Variants in LRRC4C observed in about 807,000 individuals in gnomAD.
The protein encoded by LRRC4C is leucine rich repeat containing 4C.
Under a neutral mutation model 33.6 loss-of-function variants are expected in LRRC4C, and 5 were observed. The observed-to-expected ratio is 0.15, with a 90% confidence interval of 0.08 to 0.31. The LOEUF (loss-of-function observed/expected upper bound fraction) is 0.31. Ranked by LOEUF, LRRC4C falls within the 10% of genes least tolerant of loss-of-function variation. LRRC4C has a pLI of 1.00. For missense variants in LRRC4C, 560 were observed against 796.7 expected (o/e 0.70, Z 3.58); for synonymous variants, 329 against 302.0 (o/e 1.09, Z -0.93).
intron 1 of LRRC4C, among the ~76,000 whole-genome samples, chr11:41,321,659 C>T (rs1186034491): frequency 6.6e-6 from 1 of 152,036 alleles, no homozygotes; most frequent in Non-Finnish European, 1.5e-5. Context: ...GGGTAGATAC[C>T]ACTATTATCA....
intron 3 of LRRC4C, among the ~76,000 whole-genome samples, chr11:40,371,881 A>G (rs915290777): frequency 6.6e-6 from 1 of 152,220 alleles, no homozygotes; most frequent in Non-Finnish European, 1.5e-5. Context: ...TATGCCTGAC[A>G]GGTTCATAGA....
At chr11:40,745,272 G>C (rs1344907862) in intron 2 of LRRC4C, among the ~76,000 whole-genome samples, 1 of 152,126 alleles carries the variant, frequency 6.6e-6, no homozygotes, top group Non-Finnish European at 1.5e-5. Flanking sequence ...CTTTCCAAAG[G>C]GTAGGGGAGA....
At chr11:40,304,094 T>C (rs897016284) in intron 4 of LRRC4C, among the ~76,000 whole-genome samples, 2 of 152,166 alleles carry the variant, frequency 1.3e-5, no homozygotes, top group African/African-American at 4.8e-5. Flanking sequence ...ATTGCCAACA[T>C]CATTCACCAA....
In LRRC4C at chr11:40,635,628, ATTT is replaced by A. The variant is rs71060975; in HGVS notation, c.-270+12511_-270+12513del. On this transcript the variant is annotated intron_variant, in intron 3 of 6. Coordinates refer to ENST00000528697, the MANE Select transcript of LRRC4C (RefSeq NM_001258419.2). ...ACTCCAGAAATTGAAAAAGAACCAAATTTTTTTTTTTTTTTTTTTTTTTTTTGA... is the reference window on the plus strand; with the variant it reads ...ACTCCAGAAATTGAAAAAGAACCAAATTTTTTTTTTTTTTTTTTTTTTTGA... Among the ~76,000 whole-genome samples, 377 of 92,186 alleles carry A rather than the reference ATTT, an allele frequency of 4.1e-3. 4 individuals are homozygous for A. The highest frequency in any genetic ancestry group is 0.012 in the African/African-American group (302 of 24,784). 60.5% of individuals were successfully genotyped at this position (92,186 alleles called of 152,430 possible).
chr11:40,372,038 A>G (rs1482613982), intron 3 of LRRC4C, among the ~76,000 whole-genome samples: 3 of 152,220 alleles, frequency 2.0e-5, no homozygotes, highest in Admixed American at 6.5e-5. Flanking sequence ...ATGAGATGAA[A>G]TAAACAGGGG....
At chr11:40,952,285 C>G (rs113566384) in intron 1 of LRRC4C, among the ~76,000 whole-genome samples, 1 of 151,834 alleles carries the variant, frequency 6.6e-6, no homozygotes, top group South Asian at 2.1e-4. Context: ...AACTTTCCCC[C>G]AAAATAAAAT....
At chr11:41,006,792 T>C (rs1462005657) in intron 1 of LRRC4C, among the ~76,000 whole-genome samples, 1 of 152,136 alleles carries the variant, frequency 6.6e-6, no homozygotes, top group East Asian at 1.9e-4. Flanking sequence ...TGCAATGTCT[T>C]ATATTCAATG....
At chr11:41,225,260 A>C (rs1947478626) in intron 1 of LRRC4C, among the ~76,000 whole-genome samples, 1 of 152,110 alleles carries the variant, frequency 6.6e-6, no homozygotes, top group South Asian at 2.1e-4. Flanking sequence ...GTCCATAATA[A>C]TTTAACTGTA....
chr11:40,872,479 A>G (rs1415440290), intron 2 of LRRC4C, among the ~76,000 whole-genome samples: 2 of 152,096 alleles, frequency 1.3e-5, no homozygotes, highest in East Asian at 1.9e-4. Context: ...CATCTTCCAC[A>G]TTCCCAGCAT....
At chr11:40,374,682 A>T (rs1948589959) in intron 3 of LRRC4C, among the ~76,000 whole-genome samples, 1 of 152,144 alleles carries the variant, frequency 6.6e-6, no homozygotes, top group Non-Finnish European at 1.5e-5. Flanking sequence ...AGAAATTAGG[A>T]GAATCAAAAA....
chr11:41,197,312 A>C (rs1946220202), intron 1 of LRRC4C, among the ~76,000 whole-genome samples: 1 of 152,070 alleles, frequency 6.6e-6, no homozygotes, highest in East Asian at 1.9e-4. Flanking sequence ...TAAGAGATGC[A>C]TGTGATGGTG....
At chr11:40,414,837 T>G (rs1277421488) in intron 3 of LRRC4C, among the ~76,000 whole-genome samples, 1 of 152,040 alleles carries the variant, frequency 6.6e-6, no homozygotes, top group African/African-American at 2.4e-5. Flanking sequence ...GGGATGGAAC[T>G]CCTATTGATT....
At chr11:40,797,993 T>C (rs950864504) in intron 2 of LRRC4C, among the ~76,000 whole-genome samples, 14 of 152,214 alleles carry the variant, frequency 9.2e-5, no homozygotes, top group African/African-American at 3.4e-4. Context: ...AAGATATTTT[T>C]GCCAAAAATC....
chr11:40,437,438 G>A (rs546482599), intron 3 of LRRC4C, among the ~76,000 whole-genome samples: 2 of 151,284 alleles, frequency 1.3e-5, no homozygotes, highest in African/African-American at 2.4e-5. Flanking sequence ...CTGTCACCCA[G>A]GCTGGAGTGC....
At chr11:40,708,310 A>G (rs1239222974) in intron 2 of LRRC4C, among the ~76,000 whole-genome samples, 4 of 152,040 alleles carry the variant, frequency 2.6e-5, no homozygotes, top group Admixed American at 2.0e-4. Flanking sequence ...ATGTTAGGGC[A>G]TCAATTTTAG....
Position 40,710,833 on chromosome 11 carries a change from G to T in LRRC4C, c.-406-62555C>A, listed in dbSNP as rs575754017. On this transcript the variant is annotated intron_variant, in intron 2 of 6. Coordinates refer to ENST00000528697, the MANE Select transcript of LRRC4C (RefSeq NM_001258419.2). ...GAGTCTACAGAGGCAGGCAGGCCTC[G>T]TTGAGCTGAGGTGGGCTCCACCCAG... 2.0e-3 allele frequency among the ~76,000 whole-genome samples: 298 copies of T among 152,274 alleles called. 2 individuals are homozygous for T. The highest frequency in any genetic ancestry group is 6.9e-3 in the African/African-American group (286 of 41,570).
At chr11:41,415,240 T>C (rs1954632754) in intron 1 of LRRC4C, among the ~76,000 whole-genome samples, 1 of 152,134 alleles carries the variant, frequency 6.6e-6, no homozygotes, top group Non-Finnish European at 1.5e-5. Context: ...ACAAACCCTA[T>C]GTAGGCAAGT....
intron 3 of LRRC4C, among the ~76,000 whole-genome samples, chr11:40,636,650 G>A (rs1481057759): frequency 6.6e-6 from 1 of 152,106 alleles, no homozygotes; most frequent in Non-Finnish European, 1.5e-5. Context: ...GGTGGCTACA[G>A]TATACAACAT....
intron 4 of LRRC4C, among the ~76,000 whole-genome samples, chr11:40,259,355 G>A (rs1384084202): frequency 4.6e-5 from 7 of 151,754 alleles, no homozygotes; most frequent in Non-Finnish European, 7.4e-5. Flanking sequence ...CTCCCATTTT[G>A]TAGGTTGCCT....
Sources: allele counts gnomAD v4.1 joint callset (sites outside exome capture counted in the v4.1 genomes callset), GRCh38; gene constraint gnomAD v4.1.1; transcripts MANE v1.5; gene names NCBI Gene and HGNC (gene_info 2026-07-23, HGNC 2026-07-21).